ITFG2: variants seen among roughly 807,000 people sequenced by gnomAD.
The protein encoded by ITFG2 is integrin alpha FG-GAP repeat containing 2.
ITFG2 carries 36 observed loss-of-function variants against 54.4 expected under a neutral mutation model. The observed-to-expected ratio is 0.66, with a 90% confidence interval of 0.51 to 0.87. The LOEUF is 0.87. ITFG2 is among the 40% of genes least tolerant of loss of function. The pLI is 0.00. For synonymous variants in ITFG2, 211 were observed against 225.4 expected (o/e 0.94, Z 0.57); for missense variants, 524 against 576.7 (o/e 0.91, Z 0.94).
At chr12:2,818,524 G>A in intron 4 of ITFG2, 1 of 608,548 alleles carries the variant, frequency 1.6e-6, no homozygotes, top group Non-Finnish European at 2.7e-6. Context: ...TAGGCTAGGT[G>A]TGCTGCCTCT....
chr12:2,829,880 C>T (rs752233175), downstream of ITFG2, among the ~76,000 whole-genome samples: 7 of 152,008 alleles, frequency 4.6e-5, no homozygotes, highest in Non-Finnish European at 7.4e-5. Flanking sequence ...GAGTTTGAGA[C>T]CAGCCTGACC....
chr12:2,852,810 C>T lies in ITFG2; in HGVS notation n.301-5202C>T, dbSNP rs558273731. Among the ~76,000 whole-genome samples, 14 of 152,098 alleles carry T rather than the reference C, an allele frequency of 9.2e-5. No individual in the cohort carries two copies. The South Asian group carries it at 2.9e-3, about 32-fold the overall frequency. On this transcript the variant is annotated intron_variant and non_coding_transcript_variant, in intron 2 of 3. Transcript: ENST00000537710. ...GTCGGGAGTTCAAGACTAGCCTGGC[C>T]AACATGGAGAAACCCCGTCTCTACT...
intron 9 of ITFG2, among the ~76,000 whole-genome samples, chr12:2,822,460 G>A (rs980731219): frequency 1.8e-4 from 27 of 152,154 alleles, no homozygotes; most frequent in Admixed American, 1.8e-3. Flanking sequence ...ATATCACTGT[G>A]GCCCCTGAAT....
In ITFG2 at chr12:2,817,966, G is replaced by A. The variant is rs1453994192; in HGVS notation, c.234+16G>A. ...TAAAGGAAAGGTAAGAACTATAGGG[G>A]ACCTTCCTTGGTTCTTAGCTCACAG... On this transcript the variant is annotated intron_variant, in intron 3 of 11. Coordinates refer to ENST00000228799, the MANE Select transcript of ITFG2 (RefSeq NM_018463.4). 1 of 1,613,284 alleles carries A rather than the reference G, an allele frequency of 6.2e-7. No individual in the cohort carries two copies. Among genetic ancestry groups the A allele is most frequent in the South Asian group, 1.1e-5 (1 of 90,932 alleles).
At chr12:2,819,250 G>A (rs2097933751) in intron 4 of ITFG2, among the ~76,000 whole-genome samples, 1 of 151,932 alleles carries the variant, frequency 6.6e-6, no homozygotes. Context: ...AGACCACAAG[G>A]TCAGGAGACC....
At position 2,854,937 on chromosome 12, in the gene ITFG2, G is replaced by A. The variant is rs200677988; in HGVS notation, n.301-3075G>A. The A allele has an allele frequency of 1.7e-3, 2,634 of 1,535,966 alleles. 3 individuals carry two copies. The highest frequency in any genetic ancestry group is 2.0e-3 in the Non-Finnish European group (2,243 of 1,146,850). ...GCGGCTGGATGTTGCCCTGGGCATC[G>A]AGTGGGGGTGCTCTTGCCTCACTCC... is the stretch of plus-strand genomic sequence containing the variant. On this transcript the variant is annotated intron_variant and non_coding_transcript_variant, in intron 2 of 3. Transcript: ENST00000537710.
intron 2 of ITFG2, chr12:2,855,110 G>A (rs1461282285): frequency 8.5e-6 from 13 of 1,533,608 alleles, no homozygotes; most frequent in Non-Finnish European, 9.6e-6. Context: ...GGGATGGGGT[G>A]CTCCGTGGGG....
intron 1 of ITFG2, among the ~76,000 whole-genome samples, chr12:2,813,806 C>T (rs1031733396): frequency 2.0e-5 from 3 of 152,052 alleles, no homozygotes; most frequent in Admixed American, 2.0e-4. Flanking sequence ...TCTTATGAGG[C>T]CTTTTTTGGC....
At chr12:2,827,417 CA>C, downstream of ITFG2, 1 of 1,521,652 alleles carries the variant, frequency 6.6e-7, no homozygotes, top group South Asian at 1.3e-5. The surrounding 1 kb of genome is among the most constrained non-coding windows in gnomAD (Gnocchi z 4.0). Flanking sequence ...GCTCTTCCCC[CA>C]TCCCCATTTC....
At chr12:2,850,208 G>T (rs576753687) in intron 2 of ITFG2, among the ~76,000 whole-genome samples, 1 of 152,256 alleles carries the variant, frequency 6.6e-6, no homozygotes, top group Non-Finnish European at 1.5e-5. Flanking sequence ...GGACCCAGTG[G>T]CTCACACCTG....
upstream of ITFG2, among the ~76,000 whole-genome samples, chr12:2,836,246 A>C (rs2098027440): frequency 6.6e-6 from 1 of 152,206 alleles, no homozygotes; most frequent in South Asian, 2.1e-4. Context: ...GGGGCTCCTG[A>C]GGTTCCACAT....
intron 1 of ITFG2, among the ~76,000 whole-genome samples, chr12:2,838,978 C>G (rs947066100): frequency 2.0e-5 from 3 of 151,702 alleles, no homozygotes; most frequent in Non-Finnish European, 4.4e-5. Context: ...AACTTTTTTA[C>G]CTAACAGAGA....
intron 2 of ITFG2, among the ~76,000 whole-genome samples, chr12:2,841,841 C>T (rs1488142813): frequency 6.6e-6 from 1 of 151,640 alleles, no homozygotes. Flanking sequence ...GTCTCAGCCT[C>T]CCGAGTAGCT....
rs1048116298 is a variant in ITFG2, at chr12:2,820,858, C to G, written c.681C>G (p.Pro227=). The G allele has an allele frequency of 6.2e-7, 1 of 1,613,852 alleles. No individual in the cohort carries two copies. Among genetic ancestry groups the G allele is most frequent in the African/African-American group, 1.3e-5 (1 of 74,880 alleles). The part of the protein sequence containing the change: ...DTGSPPASEG[P]TDGSRETPAA... The stretch of plus-strand genomic sequence containing the variant: ...GGTCCCCTCCTGCCTCTGAAGGGCC[C>G]ACGGATGGTAGTAGGTAAGGGGGTA... Residue 227 remains proline (P), a synonymous_variant, in exon 6 of 12, where the codon CCC becomes CCG. Coordinates refer to ENST00000228799, the MANE Select transcript of ITFG2 (RefSeq NM_018463.4).
chr12:2,838,281 G>C (rs2098033256), intron 1 of ITFG2, among the ~76,000 whole-genome samples: 1 of 152,160 alleles, frequency 6.6e-6, no homozygotes, highest in Non-Finnish European at 1.5e-5. Context: ...TTTATTCTTA[G>C]CAATTCATTC....
upstream of ITFG2, chr12:2,834,888 C>T (rs1004249866): frequency 4.3e-6 from 7 of 1,613,820 alleles, no homozygotes; most frequent in Non-Finnish European, 5.9e-6. Flanking sequence ...TCACCGAGTC[C>T]TCTCTGCTTC....
At chr12:2,855,529 C>T in intron 2 of ITFG2, 2 of 1,064,920 alleles carry the variant, frequency 1.9e-6, no homozygotes, top group Non-Finnish European at 2.5e-6. Flanking sequence ...GCTCTCCTTC[C>T]CAGGCACGAC....
chr12:2,836,776 G>C (rs1288197608), upstream of ITFG2: 1 of 152,186 alleles, frequency 6.6e-6, no homozygotes, highest in African/African-American at 2.4e-5. Flanking sequence ...AAACGCACAT[G>C]GGGAGAACGC....
chr12:2,842,217 G>A (rs1429483797), intron 2 of ITFG2, among the ~76,000 whole-genome samples: 2 of 148,316 alleles, frequency 1.3e-5, no homozygotes, highest in African/African-American at 5.0e-5. Context: ...TGCCTCCTGG[G>A]TTCAAGGGAT....
Sources: allele counts gnomAD v4.1 joint callset (sites outside exome capture counted in the v4.1 genomes callset), GRCh38; gene constraint gnomAD v4.1.1; non-coding constraint Gnocchi (gnomAD v3.1); transcripts MANE v1.5; gene names NCBI Gene and HGNC (gene_info 2026-07-23, HGNC 2026-07-21).